The following UNC79 variants were observed in gnomAD, a reference collection of about 807,000 sequenced individuals.
The protein encoded by UNC79 is unc-79 subunit of NALCN channel complex, also known as protein unc-79 homolog.
UNC79 carries 37 observed loss-of-function variants against 283.1 expected under a neutral mutation model. The ratio of observed to expected loss-of-function variants is 0.13; its 90% CI spans 0.10 to 0.17. The LOEUF (loss-of-function observed/expected upper bound fraction) is 0.17. UNC79 is among the 10% of genes least tolerant of loss of function. The pLI is 1.00. For synonymous variants in UNC79, 1,107 were observed against 1,200.2 expected, an observed-to-expected ratio of 0.92 and a Z score of 1.61; for missense variants, 2,272 against 3,211.1, an observed-to-expected ratio of 0.71 and a Z score of 7.07.
Position 93,529,269 on chromosome 14 carries a change from T to G in UNC79, c.1053-17T>G, listed in dbSNP as rs1449109235. The G allele has an allele frequency of 6.2e-7, 1 of 1,613,062 alleles. No homozygotes were observed. Among genetic ancestry groups the G allele is most frequent in the Non-Finnish European group, 8.5e-7 (1 of 1,179,656 alleles). ...ATTTCAATGAAGCTCAAAAATGAAT[T>G]TTGTTTTTTTCAATAGGGACCACAG... On this transcript the variant is annotated splice_polypyrimidine_tract_variant and intron_variant, in intron 9 of 48. Transcript: ENST00000555664.
At chr14:93,577,869 C>G (rs1322377895) in exon 18 of UNC79, 8 of 1,614,148 alleles carry the variant, frequency 5.0e-6, no homozygotes, top group Non-Finnish European at 5.9e-6. Flanking sequence ...TCCTGGCCGA[C>G]GAGTTCAGCA....
intron 1 of UNC79, among the ~76,000 whole-genome samples, chr14:93,462,731 G>A (rs867924029): frequency 6.6e-6 from 1 of 152,188 alleles, no homozygotes; most frequent in Non-Finnish European, 1.5e-5. Context: ...AGGTACGGCG[G>A]GGAATAGGGT....
chr14:93,532,030 A>G (rs1205868956), intron 10 of UNC79, among the ~76,000 whole-genome samples: 1 of 152,216 alleles, frequency 6.6e-6, no homozygotes, highest in Non-Finnish European at 1.5e-5. Context: ...AAAGAGATCT[A>G]TTTCATGATT....
intron 7 of UNC79, 120 bp from the exon 8 acceptor site, chr14:93,523,858 G>A (rs1318871308): frequency 9.8e-7 from 1 of 1,016,294 alleles, no homozygotes; most frequent in African/African-American, 1.6e-5. Context: ...AGATGATTCT[G>A]TTAGAAAGCT....
rs181303081 is a variant in UNC79 at position 93,555,752 on chromosome 14, A to G, written c.1755+13056A>G. The stretch of plus-strand genomic sequence containing the variant: ...TAGATAAAGCATCAATCTTTTGATT[A>G]TCTGTTCTCTGCCCTAAATAATTAT... On this transcript the variant is annotated intron_variant, in intron 14 of 48. Transcript: ENST00000555664. 1.9e-3 allele frequency among the ~76,000 whole-genome samples: 291 copies of G among 152,278 alleles called. 2 individuals are homozygous for G. Among genetic ancestry groups the G allele is most frequent in the African/African-American group, 6.6e-3 (276 of 41,552 alleles).
intron 1 of UNC79, among the ~76,000 whole-genome samples, chr14:93,378,424 G>C (rs1351192611): frequency 6.6e-6 from 1 of 152,154 alleles, no homozygotes; most frequent in Non-Finnish European, 1.5e-5. Context: ...AGCCTTGTTA[G>C]TGGTACACGT....
chr14:93,527,881 G>A (rs1209895333), intron 8 of UNC79, among the ~76,000 whole-genome samples: 1 of 151,754 alleles, frequency 6.6e-6, no homozygotes, highest in Non-Finnish European at 1.5e-5. Context: ...GATCAACTGT[G>A]AAATTAACAC....
At chr14:93,695,453 G>A (rs912786601) in intron 47 of UNC79, among the ~76,000 whole-genome samples, 7 of 152,192 alleles carry the variant, frequency 4.6e-5, no homozygotes, top group African/African-American at 1.7e-4. Flanking sequence ...CTTGATAATA[G>A]CAAAAGTCAA....
intron 1 of UNC79, among the ~76,000 whole-genome samples, chr14:93,412,278 A>G (rs569184362): frequency 6.6e-6 from 1 of 152,260 alleles, no homozygotes; most frequent in Admixed American, 6.5e-5. Flanking sequence ...AAGCATGCCT[A>G]CAGGATATAG....
intron 1 of UNC79, among the ~76,000 whole-genome samples, chr14:93,461,712 A>G (rs1364287104): frequency 6.6e-5 from 10 of 152,208 alleles, no homozygotes; most frequent in Non-Finnish European, 1.2e-4. Flanking sequence ...AAAGACAGTC[A>G]ACGGTCACCT....
exon 25 of UNC79, chr14:93,600,661 G>C: frequency 6.2e-7 from 1 of 1,613,772 alleles, no homozygotes; most frequent in Non-Finnish European, 8.5e-7. Context: ...ACTTTCTTAA[G>C]CAGGATATTC....
chr14:93,466,940 G>T, intron 1 of UNC79: 1 of 983,534 alleles, frequency 1.0e-6, no homozygotes, highest in Non-Finnish European at 1.2e-6. Context: ...AGTCCCTCCT[G>T]AATCTTGAGA....
intron 26 of UNC79, among the ~76,000 whole-genome samples, chr14:93,610,848 T>C (rs1596063382): frequency 6.6e-6 from 1 of 152,158 alleles, no homozygotes; most frequent in African/African-American, 2.4e-5. Flanking sequence ...TGGGCTCAAG[T>C]GATTCTCCCA....
intron 27 of UNC79, among the ~76,000 whole-genome samples, chr14:93,615,291 G>C (rs934376908): frequency 4.6e-5 from 7 of 152,152 alleles, no homozygotes; most frequent in African/African-American, 1.7e-4. Flanking sequence ...CAATGTGCGT[G>C]TAGTCGTCCT....
chr14:93,618,418 TC>T, intron 29 of UNC79, 64 bp downstream of exon 30: 2 of 1,436,620 alleles, frequency 1.4e-6, no homozygotes, highest in East Asian at 5.2e-5. Context: ...GACAATGTTT[TC>T]TTAGGAGATA....
At chr14:93,580,745 T>C (rs1431955931) in intron 19 of UNC79, among the ~76,000 whole-genome samples, 1 of 152,182 alleles carries the variant, frequency 6.6e-6, no homozygotes, top group African/African-American at 2.4e-5. Flanking sequence ...TTACTCTGTC[T>C]CCTATGCTGG....
chr14:93,521,845 A>G (rs977764563), intron 7 of UNC79, among the ~76,000 whole-genome samples: 1 of 149,226 alleles, frequency 6.7e-6, no homozygotes, highest in South Asian at 2.2e-4. Context: ...CCTTATATCA[A>G]AATCAATTGT....
chr14:93,347,342 C>T (rs778371375), intron 1 of UNC79: 3 of 1,598,924 alleles, frequency 1.9e-6, no homozygotes, highest in Non-Finnish European at 1.7e-6. Flanking sequence ...CTGCAGCCCG[C>T]TCCCCGCTTC....
At position 93,604,745 on chromosome 14, in the gene UNC79, G is replaced by A. The variant is rs536718177; in HGVS notation, c.3754+1327G>A. The A allele has an allele frequency of 1.1e-3, 799 of 725,744 alleles. 1 individual carries two copies. The highest frequency in any genetic ancestry group is 1.2e-3 in the Non-Finnish European group (596 of 496,990). The allele number at this position is 725,744 out of a possible 1,614,324, so 45.0% of individuals were successfully genotyped here. Reference sequence around the variant, plus strand: ...ATGATTCAGATAAAAACTGCAAAACGTTTGTTACATAAACAACTTTTATGT... The same window carrying A: ...ATGATTCAGATAAAAACTGCAAAACATTTGTTACATAAACAACTTTTATGT... On this transcript the variant is annotated intron_variant, in intron 26 of 48. Transcript: ENST00000555664.
Sources: allele counts gnomAD v4.1 joint callset (sites outside exome capture counted in the v4.1 genomes callset), GRCh38; gene constraint gnomAD v4.1.1; transcripts MANE v1.5; gene names NCBI Gene and HGNC (gene_info 2026-07-23, HGNC 2026-07-21).